The following AUTS2 variants were observed in gnomAD, a reference collection of about 807,000 sequenced individuals.
AUTS2 encodes activator of transcription and developmental regulator AUTS2.
AUTS2 carries 17 observed loss-of-function variants against 112.4 expected under a neutral mutation model. The ratio of observed to expected loss-of-function variants is 0.15; its 90% CI spans 0.10 to 0.23. The LOEUF (loss-of-function observed/expected upper bound fraction) is 0.23. Among genes scored for constraint, AUTS2 ranks in the 10% least tolerant of loss-of-function variants. The probability of loss-of-function intolerance (pLI) is 1.00; values close to 1 mark genes in which losing one functional copy is unlikely to be tolerated. For missense variants in AUTS2, 1,510 were observed against 1,701.6 expected, an observed-to-expected ratio of 0.89 and a Z score of 1.98; for synonymous variants, 751 against 702.7, an observed-to-expected ratio of 1.07 and a Z score of -1.09.
intron 4 of AUTS2, among the ~76,000 whole-genome samples, chr7:70,146,267 A>C (rs1390531257): frequency 6.6e-6 from 1 of 151,944 alleles, no homozygotes; most frequent in Non-Finnish European, 1.5e-5. Flanking sequence ...TTAGTGGGGA[A>C]AAAAAATTCT....
At chr7:70,653,476 TA>T in intron 5 of AUTS2, among the ~76,000 whole-genome samples, 1 of 152,300 alleles carries the variant, frequency 6.6e-6, no homozygotes, top group South Asian at 2.1e-4. Flanking sequence ...CATTACCAAT[TA>T]AAATCCTATA....
At chr7:70,103,724 G>A (rs942013578) in intron 2 of AUTS2, among the ~76,000 whole-genome samples, 9 of 151,826 alleles carry the variant, frequency 5.9e-5, no homozygotes, top group African/African-American at 2.2e-4. Flanking sequence ...GGCCAACATG[G>A]TGAAACCCCT....
chr7:70,019,723 A>G (rs917820019), intron 2 of AUTS2, among the ~76,000 whole-genome samples: 1 of 152,202 alleles, frequency 6.6e-6, no homozygotes, highest in African/African-American at 2.4e-5. Flanking sequence ...AGTTAATGAA[A>G]AGTCAGGCTC....
intron 4 of AUTS2, among the ~76,000 whole-genome samples, chr7:70,330,285 G>A (rs921950458): frequency 5.3e-5 from 8 of 152,190 alleles, no homozygotes; most frequent in Admixed American, 2.6e-4. Flanking sequence ...GTTGATCCAC[G>A]TTGAATTAAT....
At position 70,790,564 on chromosome 7, in the gene AUTS2, C is replaced by A; in HGVS notation, c.3348C>A (p.Phe1116Leu). 1 of 1,603,690 alleles carries A rather than the reference C, an allele frequency of 6.2e-7. No individual in the cohort carries two copies. Among genetic ancestry groups the A allele is most frequent in the Non-Finnish European group, 8.5e-7 (1 of 1,175,792 alleles). ...GGCTGTACGAAGCCGACCGCTCCTT[C>A]AGGGACCGGGAGCCTCACGACTACA... The part of the protein sequence containing the change: ...TPRLYEADRS[F>L]RDREPHDYSH... The change falls in exon 19 of 19, where the codon TTC becomes TTA. Residue 1116 changes from phenylalanine to leucine, a missense_variant. Phe to Leu is a conservative substitution (Grantham distance 22). This residue lies in a region of AUTS2 where 788 missense variants were observed against 797.6 expected (regional missense o/e 0.99). Coordinates refer to ENST00000342771, the MANE Select transcript of AUTS2 (RefSeq NM_015570.4). This position sits in a 1 kb window ranked among gnomAD's most constrained non-coding sequence, Gnocchi z 7.6.
intron 1 of AUTS2, among the ~76,000 whole-genome samples, chr7:69,826,836 T>A (rs1287570953): frequency 6.6e-6 from 1 of 152,176 alleles, no homozygotes; most frequent in African/African-American, 2.4e-5. Context: ...TCTGGGGTGG[T>A]TTATGAGTTG....
At chr7:70,588,119 C>T (rs531286980) in intron 5 of AUTS2, among the ~76,000 whole-genome samples, 1 of 152,174 alleles carries the variant, frequency 6.6e-6, no homozygotes, top group Non-Finnish European at 1.5e-5. Context: ...GGGTTACACT[C>T]GTAATGCTCT....
chr7:69,899,468 G>A lies in AUTS2; in HGVS notation c.492G>A (p.Lys164=), dbSNP rs1473709786. Residue 164 remains lysine (K), a synonymous_variant, in exon 2 of 19, where the codon AAG becomes AAA. Coordinates refer to ENST00000342771, the MANE Select transcript of AUTS2 (RefSeq NM_015570.4). The stretch of plus-strand genomic sequence containing the variant: ...GCAATCTCTGCCAGCACCTTGGGAA[G>A]AGAAAGAAAATGCCGAAGGCACTCA... ...NDRNLCQHLG[K]RKKMPKALRQ... The A allele has an allele frequency of 6.2e-7, 1 of 1,613,878 alleles. No individual in the cohort carries two copies. The highest frequency in any genetic ancestry group is 1.3e-5 in the African/African-American group (1 of 74,924).
intron 2 of AUTS2, among the ~76,000 whole-genome samples, chr7:70,042,054 T>TTTCA (rs1369201869): frequency 6.6e-6 from 1 of 152,132 alleles, no homozygotes; most frequent in Non-Finnish European, 1.5e-5. Flanking sequence ...GGAGTTGCTG[T>TTTCA]TTCATTCATT....
chr7:69,610,722 T>G (rs1260517662), intron 1 of AUTS2, among the ~76,000 whole-genome samples: 1 of 152,222 alleles, frequency 6.6e-6, no homozygotes, highest in Non-Finnish European at 1.5e-5. Context: ...TTCAAGTGCT[T>G]GCTAAGGAGG....
intron 1 of AUTS2, among the ~76,000 whole-genome samples, chr7:69,673,262 A>C (rs559466199): frequency 6.6e-6 from 1 of 152,314 alleles, no homozygotes; most frequent in East Asian, 1.9e-4. Flanking sequence ...GTGCTAAAAA[A>C]GGAAATTTGG....
At chr7:69,626,422 A>G (rs1793951031) in intron 1 of AUTS2, among the ~76,000 whole-genome samples, 1 of 151,998 alleles carries the variant, frequency 6.6e-6, no homozygotes, top group Non-Finnish European at 1.5e-5. Flanking sequence ...CCCACAGTTT[A>G]GCAGTAATGT....
chr7:69,811,169 C>T (rs1256654822), intron 1 of AUTS2, among the ~76,000 whole-genome samples: 2 of 152,118 alleles, frequency 1.3e-5, no homozygotes, highest in Non-Finnish European at 2.9e-5. Context: ...AAAGAGGAAT[C>T]TGAAGGGCCT....
At chr7:70,232,988 C>T (rs972550033) in intron 4 of AUTS2, among the ~76,000 whole-genome samples, 4 of 152,174 alleles carry the variant, frequency 2.6e-5, no homozygotes, top group Admixed American at 2.6e-4. Context: ...TTGAAATGTT[C>T]CATAACTCTA....
chr7:70,079,554 T>C (rs1803200394), intron 2 of AUTS2, among the ~76,000 whole-genome samples: 1 of 152,082 alleles, frequency 6.6e-6, no homozygotes, highest in African/African-American at 2.4e-5. Context: ...TATAATTTAC[T>C]TAATTGTAAT....
At chr7:70,380,679 C>T (rs556104268) in intron 4 of AUTS2, among the ~76,000 whole-genome samples, 2 of 152,192 alleles carry the variant, frequency 1.3e-5, no homozygotes, top group African/African-American at 2.4e-5. Flanking sequence ...TCTGAACTGG[C>T]GACCATGGGC....
At chr7:70,744,127 T>G (rs868725408) in intron 6 of AUTS2, among the ~76,000 whole-genome samples, 4 of 152,184 alleles carry the variant, frequency 2.6e-5, no homozygotes, top group Non-Finnish European at 5.9e-5. Flanking sequence ...TTGTTTTTCC[T>G]CGGGGGATGT....
chr7:70,371,368 T>G (rs2129630182), intron 4 of AUTS2, among the ~76,000 whole-genome samples: 1 of 152,346 alleles, frequency 6.6e-6, no homozygotes, highest in South Asian at 2.1e-4. Context: ...ATGTATTGAT[T>G]GCATGCACTG....
At chr7:69,699,425 T>G (rs1584094303) in intron 1 of AUTS2, among the ~76,000 whole-genome samples, 1 of 152,156 alleles carries the variant, frequency 6.6e-6, no homozygotes, top group African/African-American at 2.4e-5. Context: ...TATACCATAT[T>G]TAGCATACTA....
Sources: allele counts gnomAD v4.1 joint callset (sites outside exome capture counted in the v4.1 genomes callset), GRCh38; gene constraint gnomAD v4.1.1; regional missense constraint gnomAD v4.1.1; non-coding constraint Gnocchi (gnomAD v3.1); transcripts MANE v1.5; gene names NCBI Gene and HGNC (gene_info 2026-07-23, HGNC 2026-07-21).